Variants in CACNA1A observed in about 807,000 individuals in gnomAD.
CACNA1A encodes voltage-dependent P/Q-type calcium channel subunit alpha-1A.
In CACNA1A, 57 loss-of-function variants were observed where a neutral mutation model predicts 262.4. The observed-to-expected ratio is 0.22, with a 90% confidence interval of 0.18 to 0.27. The LOEUF (loss-of-function observed/expected upper bound fraction) is 0.27. Among genes scored for constraint, CACNA1A ranks in the 10% least tolerant of loss-of-function variants. The pLI, the probability that CACNA1A is intolerant of heterozygous loss-of-function variation, is 1.00. For synonymous variants in CACNA1A, 1,431 were observed against 1,419.3 expected (o/e 1.01, Z -0.18); for missense variants, 2,526 against 3,562.8 (o/e 0.71, Z 7.41).
chr19:13,245,671 CTTT>C (rs763446754), intron 30 of CACNA1A: 19 of 115,864 alleles, frequency 1.6e-4, no homozygotes, highest in East Asian at 4.7e-4. Context: ...CTTTCTTTCT[CTTT>C]TTTTTTTTTT....
intron 1 of CACNA1A, among the ~76,000 whole-genome samples, chr19:13,468,991 C>A (rs2061301881): frequency 6.6e-6 from 1 of 152,058 alleles, no homozygotes; most frequent in Non-Finnish European, 1.5e-5. Context: ...AAAGAAAGAC[C>A]TTCCCAACTC....
chr19:13,383,946 C>G (rs2059565058), intron 3 of CACNA1A, among the ~76,000 whole-genome samples: 1 of 152,176 alleles, frequency 6.6e-6, no homozygotes, highest in African/African-American at 2.4e-5. Context: ...TCCCAAGTAG[C>G]TGGAACTACA....
intron 24 of CACNA1A, chr19:13,272,474 G>C (rs1209410253): frequency 1.3e-5 from 2 of 152,394 alleles, no homozygotes; most frequent in African/African-American, 4.8e-5. Flanking sequence ...TGCAGGGTAG[G>C]GGGGCCAAGT....
chr19:13,346,869 G>A (rs1401381702), intron 6 of CACNA1A, among the ~76,000 whole-genome samples: 2 of 148,620 alleles, frequency 1.3e-5, no homozygotes, highest in South Asian at 2.1e-4. Context: ...TAGTAGAGAC[G>A]GGGTTTCACC....
In CACNA1A at chr19:13,230,152, A is replaced by C; in HGVS notation, c.5458T>G (p.Ser1820Ala). Residue 1820 changes from serine to alanine, a missense_variant, in exon 36 of 47, where the codon TCC becomes GCC. By Grantham distance (99) the Ser-to-Ala change is moderately conservative (BLOSUM62 1). Coordinates refer to ENST00000360228, the MANE Select transcript of CACNA1A (RefSeq NM_001127222.2). The part of the protein sequence containing the change: ...MDNFEYLTRD[S>A]SILGPHHLDE... ...AGGTGGTGGGGGCCCAGGATGGAGG[A>C]GTCTCGGGTGAGGTACTCAAAGTTG... 1 of 1,613,816 alleles carries C rather than the reference A, an allele frequency of 6.2e-7. No homozygotes were observed.
chr19:13,289,295 C>T (rs796252608), intron 19 of CACNA1A, among the ~76,000 whole-genome samples: 1 of 152,048 alleles, frequency 6.6e-6, no homozygotes, highest in South Asian at 2.1e-4. Context: ...GTGCCTGCCA[C>T]CACGCCTGGC....
chr19:13,418,114 C>T (rs2060255748), intron 3 of CACNA1A, among the ~76,000 whole-genome samples: 1 of 152,206 alleles, frequency 6.6e-6, no homozygotes, highest in Non-Finnish European at 1.5e-5. Context: ...CTGCCACTTA[C>T]TGTTCCTCCT....
At chr19:13,278,442 A>G (rs2057204263) in intron 22 of CACNA1A, among the ~76,000 whole-genome samples, 1 of 151,908 alleles carries the variant, frequency 6.6e-6, no homozygotes, top group Non-Finnish European at 1.5e-5. Flanking sequence ...CTCCTCCTTT[A>G]TGACTTAGCT....
At chr19:13,319,299 T>G (rs562224998) in intron 10 of CACNA1A, among the ~76,000 whole-genome samples, 1 of 152,320 alleles carries the variant, frequency 6.6e-6, no homozygotes, top group Non-Finnish European at 1.5e-5. Flanking sequence ...ATCCATCCAT[T>G]TGTTCATTTA....
In CACNA1A at chr19:13,318,890, C is replaced by CTTTTTTTTTTTTTTTTTT. The variant is rs751530649; in HGVS notation, c.1346-1570_1346-1569insAAAAAAAAAAAAAAAAAA. On this transcript the variant is annotated intron_variant, in intron 10 of 46. Transcript: ENST00000360228. ...ATTGAATTTACCTTCTAAAATACAT[C>CTTTTTTTTTTTTTTTTTT]TTTTTTTTTTTTTTTTGAGACAGGA... 1.5e-3 allele frequency among the ~76,000 whole-genome samples: 173 copies of CTTTTTTTTTTTTTTTTTT among 114,650 alleles called. 18 individuals are homozygous for CTTTTTTTTTTTTTTTTTT. The highest frequency in any genetic ancestry group is 5.6e-3 in the African/African-American group (151 of 27,066). 75.2% of individuals were successfully genotyped at this position (114,650 alleles called of 152,430 possible). A position where few individuals can be genotyped will look rare whatever the true frequency, so the allele number is the denominator to read the frequency against.
intron 21 of CACNA1A, chr19:13,283,767 T>C (rs186716391): frequency 3.5e-5 from 6 of 171,128 alleles, no homozygotes; most frequent in Non-Finnish European, 6.3e-5. Flanking sequence ...TGTGAATCTA[T>C]GGGTTAAGTA....
chr19:13,452,079 C>T (rs915499739), intron 3 of CACNA1A: 2 of 152,204 alleles, frequency 1.3e-5, no homozygotes, highest in Non-Finnish European at 2.9e-5. Context: ...AAGTGATCCT[C>T]CCACCTCAGC....
intron 1 of CACNA1A, among the ~76,000 whole-genome samples, chr19:13,486,047 A>T (rs997311534): frequency 1.3e-5 from 2 of 152,252 alleles, no homozygotes; most frequent in Non-Finnish European, 2.9e-5. Flanking sequence ...ACTGCAAACC[A>T]ATGAAGCAAA....
At chr19:13,429,725 A>G (rs2060470630) in intron 3 of CACNA1A, among the ~76,000 whole-genome samples, 1 of 151,838 alleles carries the variant, frequency 6.6e-6, no homozygotes, top group Non-Finnish European at 1.5e-5. Flanking sequence ...CCAAGTGCCC[A>G]TCTGGATGAA....
intron 38 of CACNA1A, among the ~76,000 whole-genome samples, chr19:13,216,171 C>G (rs1281829152): frequency 1.3e-5 from 2 of 152,122 alleles, no homozygotes; most frequent in Admixed American, 6.6e-5. Flanking sequence ...TCACCCCAGT[C>G]ATGGGGTGAG....
chr19:13,441,101 C>T (rs1265107624), intron 3 of CACNA1A, among the ~76,000 whole-genome samples: 4 of 152,144 alleles, frequency 2.6e-5, no homozygotes, highest in Non-Finnish European at 5.9e-5. Context: ...GCATCAGCCA[C>T]CATGCCCCAC....
At position 13,359,750 on chromosome 19, in the gene CACNA1A, G is replaced by T; in HGVS notation, c.834C>A (p.Ala278=). 6.4e-7 allele frequency: 1 copy of T among 1,561,282 alleles called. No homozygotes were observed. The highest frequency in any genetic ancestry group is 8.7e-7 in the Non-Finnish European group (1 of 1,152,276). Residue 278 remains alanine (A), a synonymous_variant, in exon 6 of 47, where the codon GCC becomes GCA. Coordinates refer to ENST00000360228, the MANE Select transcript of CACNA1A (RefSeq NM_001127222.2). ...ATTTGGTCCCATTGGGGCAGGTGCG[G>T]GCGGGCTCTTCTGTCCCACATGGAG... ...SPAPCGTEEP[A]RTCPNGTKCQ... is the part of the protein sequence containing the mutation.
intron 21 of CACNA1A, 21 bp from the exon 22 acceptor site, chr19:13,283,417 T>C (rs371099629): frequency 8.4e-5 from 136 of 1,613,586 alleles, no homozygotes; most frequent in Non-Finnish European, 1.1e-4. Flanking sequence ...CAGATGGGCG[T>C]GCAGAGGTCC....
chr19:13,276,003 C>A lies in CACNA1A; in HGVS notation c.3883-47G>T, dbSNP rs1463081878. The A allele has an allele frequency of 3.8e-6, 5 of 1,304,654 alleles. No homozygotes were observed. In the East Asian group the frequency reaches 9.4e-5, roughly 25 times the overall value. The allele number at this position is 1,304,654 out of a possible 1,614,324, so 80.8% of individuals were successfully genotyped here. ...GCTCAGAACCCCCACCTGATCCCCACCCTGGGGTGCTGCCACCCACTCTCT... is the reference window on the plus strand; with the variant it reads ...GCTCAGAACCCCCACCTGATCCCCAACCTGGGGTGCTGCCACCCACTCTCT... On this transcript the variant is annotated intron_variant, in intron 23 of 46. Coordinates refer to ENST00000360228, the MANE Select transcript of CACNA1A (RefSeq NM_001127222.2).
Sources: allele counts gnomAD v4.1 joint callset (sites outside exome capture counted in the v4.1 genomes callset), GRCh38; gene constraint gnomAD v4.1.1; transcripts MANE v1.5; gene names NCBI Gene and HGNC (gene_info 2026-07-23, HGNC 2026-07-21).